The following UBE2H variants were observed in gnomAD, a reference collection of about 807,000 sequenced individuals.
The protein encoded by UBE2H is ubiquitin-conjugating enzyme E2 H.
A neutral mutation model predicts 29.0 loss-of-function variants in UBE2H; 3 were observed. The ratio of observed to expected loss-of-function variants is 0.10; its 90% CI spans 0.05 to 0.27. The LOEUF (loss-of-function observed/expected upper bound fraction) is 0.27, where lower values mean the gene tolerates loss of function less well. Among genes scored for constraint, UBE2H ranks in the 10% least tolerant of loss-of-function variants. The pLI is 1.00. For missense variants in UBE2H, 68 were observed against 228.2 expected (o/e 0.30, Z 4.52); for synonymous variants, 69 against 82.9 (o/e 0.83, Z 0.91).
intron 1 of UBE2H, among the ~76,000 whole-genome samples, chr7:129,914,463 G>A (rs985422201): frequency 1.3e-5 from 2 of 152,194 alleles, no homozygotes; most frequent in East Asian, 1.9e-4. Context: ...CACCATGCCC[G>A]ACCAAAAATC....
At chr7:129,854,072 T>TTTTTTATTTTTTTTTTTTTTA (rs1805662708) in intron 5 of UBE2H, among the ~76,000 whole-genome samples, 6 of 149,926 alleles carry the variant, frequency 4.0e-5, no homozygotes, top group Non-Finnish European at 8.9e-5. Flanking sequence ...TTTTTTTTTT[T>TTTTTTATTTTTTTTTTTTTTA]TTTTTTTTTT....
rs548230993 is a variant in UBE2H at position 129,926,543 on chromosome 7, C to T, written c.53+25960G>A. On this transcript the variant is annotated intron_variant, in intron 1 of 6. Transcript: ENST00000355621. ...AAAAGAAAAAAGAAACTCCTGGCCT[C>T]GAGTGATTCTCCCACCTCAGCCTCC... Among the ~76,000 whole-genome samples, 141 of 152,082 alleles carry T rather than the reference C, an allele frequency of 9.3e-4. 4 individuals are homozygous for T. The South Asian group carries it at 0.028, about 30-fold the overall frequency.
Position 129,880,983 on chromosome 7 carries a change from G to A in UBE2H, c.54-12C>T, listed in dbSNP as rs183456347. 270 of 1,609,622 alleles carry A rather than the reference G, an allele frequency of 1.7e-4. No homozygotes were observed. The African/African-American group carries it at 3.2e-3, about 19-fold the overall frequency. On this transcript the variant is annotated splice_polypyrimidine_tract_variant and intron_variant, in intron 1 of 6. Coordinates refer to ENST00000355621, the MANE Select transcript of UBE2H (RefSeq NM_003344.4). ...GTTTACTCTCGATGCTAAGGTGGAC[G>A]GTAAAGGAAATTACACAGGCTTTAC...
intron 1 of UBE2H, among the ~76,000 whole-genome samples, chr7:129,938,782 GATGTTT>G (rs923579422): frequency 9.9e-5 from 15 of 150,980 alleles, no homozygotes; most frequent in African/African-American, 2.9e-4. Context: ...GGCTTAGTTT[GATGTTT>G]TTGTTTTTTT....
intron 1 of UBE2H, 116 bp downstream of exon 1, chr7:129,952,387 G>T (rs1807896095): frequency 5.4e-6 from 7 of 1,286,082 alleles, no homozygotes; most frequent in Non-Finnish European, 7.4e-6. Context: ...GGGAGGAGGG[G>T]AGTCTCGGAC....
chr7:129,939,816 G>A (rs538444245), intron 1 of UBE2H, among the ~76,000 whole-genome samples: 36 of 152,056 alleles, frequency 2.4e-4, no homozygotes, highest in African/African-American at 8.0e-4. Flanking sequence ...AAAATTAGCC[G>A]GGCATGGTGG....
At chr7:129,903,271 T>C (rs1233052852) in intron 1 of UBE2H, among the ~76,000 whole-genome samples, 1 of 152,220 alleles carries the variant, frequency 6.6e-6, no homozygotes, top group Non-Finnish European at 1.5e-5. Context: ...AAATGAACAG[T>C]ATTTATTTCA....
intron 1 of UBE2H, among the ~76,000 whole-genome samples, chr7:129,892,847 T>TA (rs368851740): frequency 0.065 from 9,639 of 147,926 alleles, 355 homozygotes; most frequent in Non-Finnish European, 0.093. Flanking sequence ...ACTTTATGTT[T>TA]AAAAAAAAAA....
intron 1 of UBE2H, among the ~76,000 whole-genome samples, chr7:129,926,969 T>C (rs1807282646): frequency 6.6e-6 from 1 of 152,194 alleles, no homozygotes; most frequent in South Asian, 2.1e-4. Flanking sequence ...AACCGCCTCA[T>C]ACCTCATGAG....
At chr7:129,915,027 C>A (rs1011487248) in intron 1 of UBE2H, among the ~76,000 whole-genome samples, 8 of 152,164 alleles carry the variant, frequency 5.3e-5, no homozygotes, top group African/African-American at 1.7e-4. Flanking sequence ...CTCTAAGAGG[C>A]TTTTCATTAG....
At chr7:129,842,684 CCT>C (rs1805447870) in intron 5 of UBE2H, among the ~76,000 whole-genome samples, 1 of 151,956 alleles carries the variant, frequency 6.6e-6, no homozygotes, top group African/African-American at 2.4e-5. Context: ...GGGCAGATCA[CCT>C]GAGGTCAGGA....
At chr7:129,949,042 G>C (rs1420643845) in intron 1 of UBE2H, 1 of 456,620 alleles carries the variant, frequency 2.2e-6, no homozygotes, top group Non-Finnish European at 4.4e-6. Flanking sequence ...AGCGGTGCCT[G>C]CGGCCTTTTG....
intron 2 of UBE2H, 74 bp from the exon 3 acceptor site, chr7:129,879,716 A>T: frequency 7.4e-7 from 1 of 1,348,728 alleles, no homozygotes; most frequent in Non-Finnish European, 1.0e-6. Context: ...TAAATTAAAC[A>T]TTATCCCCTA....
intron 3 of UBE2H, among the ~76,000 whole-genome samples, chr7:129,874,276 T>C (rs1390028030): frequency 6.6e-6 from 1 of 151,232 alleles, no homozygotes; most frequent in Non-Finnish European, 1.5e-5. Flanking sequence ...CTTTAGTGGC[T>C]ATAAGCCCTG....
intron 1 of UBE2H, among the ~76,000 whole-genome samples, chr7:129,907,688 A>G (rs1290472309): frequency 6.6e-6 from 1 of 152,180 alleles, no homozygotes; most frequent in African/African-American, 2.4e-5. Flanking sequence ...TAGAAAGGTT[A>G]ATGGAATATC....
intron 1 of UBE2H, among the ~76,000 whole-genome samples, chr7:129,950,424 T>C (rs1267729764): frequency 6.6e-6 from 1 of 152,018 alleles, no homozygotes; most frequent in East Asian, 1.9e-4. Context: ...TGCTGTTCTT[T>C]GTCTGTTTTC....
rs757983386 is a variant in UBE2H, at chr7:129,834,982, A to G, written c.507T>C (p.Ser169=). The part of the protein sequence containing the change: ...EGTGDSSSES[S]MSDFSEDEAQ... ...CCTCATCTTCGGAAAAGTCAGACAT[A>G]GAGCTCTCCGATGAGCTGTCCCCGG... The change falls in exon 7 of 7, where the codon TCT becomes TCC. Residue 169 remains serine (S), a synonymous_variant. Coordinates refer to ENST00000355621, the MANE Select transcript of UBE2H (RefSeq NM_003344.4). The G allele has an allele frequency of 2.5e-6, 4 of 1,613,864 alleles. No individual in the cohort carries two copies. Among genetic ancestry groups the G allele is most frequent in the Non-Finnish European group, 3.4e-6 (4 of 1,180,044 alleles).
chr7:129,906,784 A>C (rs1161394746), intron 1 of UBE2H, among the ~76,000 whole-genome samples: 1 of 152,196 alleles, frequency 6.6e-6, no homozygotes, highest in African/African-American at 2.4e-5. Context: ...TCTTACCAGT[A>C]CTTCAAAAAG....
chr7:129,921,261 C>A (rs888053282), intron 1 of UBE2H, among the ~76,000 whole-genome samples: 1 of 152,070 alleles, frequency 6.6e-6, no homozygotes, highest in Non-Finnish European at 1.5e-5. Flanking sequence ...AAAATGGACT[C>A]ATCTATTTAG....
Sources: gnomAD v4.1 joint callset for allele counts (sites outside exome capture counted in the v4.1 genomes callset) on GRCh38, gnomAD v4.1.1 for gene constraint, MANE v1.5 for transcripts, NCBI Gene and HGNC (gene_info 2026-07-23, HGNC 2026-07-21) for gene names.